The following ERBB4 variants were observed in gnomAD, a reference collection of about 807,000 sequenced individuals.
ERBB4 encodes the protein erb-b2 receptor tyrosine kinase 4.
ERBB4 carries 42 observed loss-of-function variants against 158.0 expected under a neutral mutation model. That is an observed-to-expected ratio of 0.27 (90% CI 0.21 to 0.34). The LOEUF (loss-of-function observed/expected upper bound fraction) is 0.34, where lower values mean the gene tolerates loss of function less well. Ranked by LOEUF, ERBB4 falls within the 10% of genes least tolerant of loss-of-function variation. The pLI is 1.00. For synonymous variants in ERBB4, 583 were observed against 558.7 expected, an observed-to-expected ratio of 1.04 and a Z score of -0.61; for missense variants, 1,333 against 1,624.1, an observed-to-expected ratio of 0.82 and a Z score of 3.08.
At chr2:211,472,919 T>C (rs573402156) in intron 20 of ERBB4, among the ~76,000 whole-genome samples, 44 of 150,750 alleles carry the variant, frequency 2.9e-4, no homozygotes, top group African/African-American at 1.0e-3. Context: ...TTATTTATAA[T>C]GATAATTAAT....
At chr2:212,490,304 T>G (rs1690204524) in intron 1 of ERBB4, among the ~76,000 whole-genome samples, 1 of 151,912 alleles carries the variant, frequency 6.6e-6, no homozygotes, top group South Asian at 2.1e-4. Context: ...CATAGCGAAC[T>G]GTCAAATACA....
chr2:211,542,446 T>C (rs2066834791), intron 20 of ERBB4, among the ~76,000 whole-genome samples: 2 of 152,032 alleles, frequency 1.3e-5, no homozygotes, highest in African/African-American at 4.8e-5. Context: ...TTAGTCTGAC[T>C]GCATCCAAAG....
At chr2:212,337,317 C>T (rs561429671) in intron 1 of ERBB4, among the ~76,000 whole-genome samples, 1 of 152,180 alleles carries the variant, frequency 6.6e-6, no homozygotes, top group African/African-American at 2.4e-5. Context: ...TAACCTTTCT[C>T]TTGTACTCAG....
At chr2:211,386,483 C>T (rs913437617) in intron 27 of ERBB4, among the ~76,000 whole-genome samples, 1 of 152,148 alleles carries the variant, frequency 6.6e-6, no homozygotes, top group African/African-American at 2.4e-5. Flanking sequence ...CTGATCTCCG[C>T]AATTAAGTCC....
chr2:212,418,729 A>G (rs541718172), intron 1 of ERBB4, among the ~76,000 whole-genome samples: 1 of 151,902 alleles, frequency 6.6e-6, no homozygotes, highest in East Asian at 1.9e-4. Context: ...CAATTAAATA[A>G]CTATAATTAG....
intron 1 of ERBB4, among the ~76,000 whole-genome samples, chr2:212,445,819 T>C (rs955137496): frequency 2.0e-5 from 3 of 152,164 alleles, no homozygotes; most frequent in African/African-American, 7.2e-5. Context: ...GAATACAGAA[T>C]GGATAGTAGA....
intron 1 of ERBB4, among the ~76,000 whole-genome samples, chr2:212,532,903 A>G (rs1359327469): frequency 6.6e-6 from 1 of 152,256 alleles, no homozygotes; most frequent in Non-Finnish European, 1.5e-5. Flanking sequence ...ACATCCACAT[A>G]TTTCAACTCC....
Position 212,246,629 on chromosome 2 carries a change from G to C in ERBB4, c.83-121726C>G, listed in dbSNP as rs147990745. On this transcript the variant is annotated intron_variant, in intron 1 of 27. Transcript: ENST00000342788. Reference sequence around the variant, plus strand: ...GCTTAAAAATAAGTGGTGTGCAGAAGATGAGAAATAATTGACAGCTCTAGA... The same window carrying C: ...GCTTAAAAATAAGTGGTGTGCAGAACATGAGAAATAATTGACAGCTCTAGA... Among the ~76,000 whole-genome samples, 84 of 152,272 alleles carry C rather than the reference G, an allele frequency of 5.5e-4. 1 individual carries two copies. In the South Asian group the frequency reaches 0.017, roughly 31 times the overall value.
chr2:212,001,917 C>T (rs1478350567), intron 2 of ERBB4, among the ~76,000 whole-genome samples: 1 of 152,100 alleles, frequency 6.6e-6, no homozygotes, highest in Non-Finnish European at 1.5e-5. Flanking sequence ...ATAAATTTAG[C>T]TTCATATTAA....
intron 19 of ERBB4, among the ~76,000 whole-genome samples, chr2:211,596,705 T>C (rs773950149): frequency 3.3e-5 from 5 of 152,122 alleles, no homozygotes; most frequent in Non-Finnish European, 7.4e-5. Flanking sequence ...TATCTCTTCA[T>C]GAAATGCCCT....
chr2:211,592,553 T>A (rs1276333603), intron 19 of ERBB4, among the ~76,000 whole-genome samples: 1 of 152,138 alleles, frequency 6.6e-6, no homozygotes, highest in Admixed American at 6.5e-5. Flanking sequence ...AAAGGATGCA[T>A]GAAAAATAAA....
intron 14 of ERBB4, among the ~76,000 whole-genome samples, chr2:211,672,755 C>T (rs1265415872): frequency 6.6e-6 from 1 of 152,164 alleles, no homozygotes; most frequent in East Asian, 1.9e-4. Context: ...GCTCCAGCAT[C>T]ACTTCTCTAT....
rs189489944 is a variant in ERBB4 at position 211,726,341 on chromosome 2, T to C, written c.623-1147A>G. Among the ~76,000 whole-genome samples the C allele has an allele frequency of 3.7e-3, 557 of 152,290 alleles. 3 individuals are homozygous for C. Among genetic ancestry groups the C allele is most frequent in the African/African-American group, 0.013 (541 of 41,564 alleles). ...CAGTAAATGACTTTCAGATCTAGAA[T>C]TGAGTTCTCTGTGGAGCTACAGCAT... On this transcript the variant is annotated intron_variant, in intron 5 of 27. Coordinates refer to ENST00000342788, the MANE Select transcript of ERBB4 (RefSeq NM_005235.3).
At chr2:212,375,143 A>G (rs2090277022) in intron 1 of ERBB4, among the ~76,000 whole-genome samples, 2 of 152,032 alleles carry the variant, frequency 1.3e-5, no homozygotes, top group African/African-American at 2.4e-5. Context: ...AGCTTACTCT[A>G]ATAGAACACA....
chr2:212,174,169 G>A (rs918598103), intron 1 of ERBB4, among the ~76,000 whole-genome samples: 6 of 152,064 alleles, frequency 3.9e-5, no homozygotes, highest in African/African-American at 1.4e-4. Flanking sequence ...GGAGAAAAAG[G>A]AGTTCTATGA....
At chr2:211,877,991 C>T (rs564875659) in intron 3 of ERBB4, among the ~76,000 whole-genome samples, 125 of 152,186 alleles carry the variant, frequency 8.2e-4, no homozygotes, top group Admixed American at 3.4e-3. Flanking sequence ...GCCTGTAATC[C>T]CAGCTATTCA....
intron 1 of ERBB4, among the ~76,000 whole-genome samples, chr2:212,449,854 A>ATAAT (rs3040359): frequency 0.39 from 59,317 of 151,530 alleles, 12,305 homozygotes; most frequent in African/African-American, 0.48. Flanking sequence ...TGATATAGCT[A>ATAAT]TAATATTAAT....
At chr2:211,477,164 CA>C (rs2064974817) in intron 20 of ERBB4, among the ~76,000 whole-genome samples, 2 of 152,088 alleles carry the variant, frequency 1.3e-5, no homozygotes, top group Admixed American at 1.3e-4. Flanking sequence ...CACTCTCAAG[CA>C]AGGAGGACTT....
intron 1 of ERBB4, among the ~76,000 whole-genome samples, chr2:212,258,615 T>C (rs1162518509): frequency 1.4e-5 from 2 of 147,856 alleles, no homozygotes; most frequent in African/African-American, 4.9e-5. Context: ...ATATATAAGA[T>C]ATATATAATA....
Sources: allele counts gnomAD v4.1 joint callset (sites outside exome capture counted in the v4.1 genomes callset), GRCh38; gene constraint gnomAD v4.1.1; transcripts MANE v1.5; gene names NCBI Gene and HGNC (gene_info 2026-07-23, HGNC 2026-07-21).